The following ELN variants were observed in gnomAD, a reference collection of about 807,000 sequenced individuals.
ELN encodes the protein tropoelastin.
A neutral mutation model predicts 105.8 loss-of-function variants in ELN; 65 were observed. That is an observed-to-expected ratio of 0.61 (90% CI 0.50 to 0.75). ELN has a LOEUF of 0.75. Among genes scored for constraint, ELN ranks in the 30% least tolerant of loss-of-function variants. The pLI is 0.00. For synonymous variants in ELN, 368 were observed against 389.2 expected (o/e 0.95, Z 0.64); for missense variants, 882 against 969.4 (o/e 0.91, Z 1.20).
In ELN at chr7:74,069,345, T is replaced by C. The variant is rs975404753; in HGVS notation, c.*645T>C. Reference sequence around the variant, plus strand: ...CTTGTAGAATCCATCCGCCCATCCGTCCATTCATCCATCGGTCCGTCCATC... The same window carrying C: ...CTTGTAGAATCCATCCGCCCATCCGCCCATTCATCCATCGGTCCGTCCATC... On this transcript the variant is annotated 3_prime_UTR_variant, in exon 33 of 33. Transcript: ENST00000252034. 7 of 236,134 alleles carry C rather than the reference T, an allele frequency of 3.0e-5. No individual in the cohort carries two copies. Among genetic ancestry groups the C allele is most frequent in the East Asian group, 6.0e-5 (1 of 16,630 alleles). 14.6% of individuals were successfully genotyped at this position (236,134 alleles called of 1,614,324 possible).
intron 4 of ELN, 75 bp from the exon 5 acceptor site, chr7:74,041,141 C>T: frequency 6.2e-7 from 1 of 1,604,716 alleles, no homozygotes; most frequent in Non-Finnish European, 8.5e-7. Context: ...CAGCACTGCC[C>T]TAACTCCAGG....
rs1190693240 is a variant in ELN, at chr7:74,029,532, G to T, written c.82+1263G>T. Reference sequence around the variant, plus strand: ...TTGCCATGAGAACCAAACGCTGAGTGGGGGGCGGGAGGGCCACGGGGTGGA... The same window carrying T: ...TTGCCATGAGAACCAAACGCTGAGTTGGGGGCGGGAGGGCCACGGGGTGGA... On this transcript the variant is annotated intron_variant, in intron 1 of 32. Transcript: ENST00000252034. 3.3e-5 allele frequency among the ~76,000 whole-genome samples: 5 copies of T among 152,274 alleles called. 1 individual carries two copies. Among genetic ancestry groups the T allele is most frequent in the Middle Eastern group, 6.8e-3 (2 of 294 alleles).
At position 74,069,059 on chromosome 7, in the gene ELN, G is replaced by A. The variant is rs761538157; in HGVS notation, c.*359G>A. 7.7e-5 allele frequency: 32 copies of A among 416,346 alleles called. No individual in the cohort carries two copies. Among genetic ancestry groups the A allele is most frequent in the African/African-American group, 2.6e-4 (13 of 50,522 alleles). 25.8% of individuals were successfully genotyped at this position (416,346 alleles called of 1,614,324 possible). On this transcript the variant is annotated 3_prime_UTR_variant, in exon 33 of 33. Coordinates refer to ENST00000252034, the MANE Select transcript of ELN (RefSeq NM_000501.4). Reference sequence around the variant, plus strand: ...AGGGAGGAGGGAAGGGTGGCCCCTCGGGGAACCCCCTACCTGGGGCTCCTC... The same window carrying A: ...AGGGAGGAGGGAAGGGTGGCCCCTCAGGGAACCCCCTACCTGGGGCTCCTC...
At chr7:74,046,524 G>A (rs527782633) in intron 11 of ELN, 172 bp from the exon 12 acceptor site, 45 of 778,156 alleles carry the variant, frequency 5.8e-5, no homozygotes, top group Non-Finnish European at 8.5e-5. Flanking sequence ...GAAGTGGCCT[G>A]TCACTGGGAA....
chr7:74,042,808 G>C, intron 6 of ELN, 102 bp downstream of exon 6: 3 of 1,538,726 alleles, frequency 1.9e-6, no homozygotes, highest in Non-Finnish European at 2.7e-6. Context: ...GAGCCGGGTG[G>C]GTGGGATTGT....
In ELN at chr7:74,059,764, G is replaced by A; in HGVS notation, c.1415-122G>A. ...GGAAGCTGAGGCCCAGCAAGGGAAA[G>A]TAACTGATCCAGGGTCACACAGCAA... On this transcript the variant is annotated intron_variant, in intron 22 of 32. Coordinates refer to ENST00000252034, the MANE Select transcript of ELN (RefSeq NM_000501.4). 3 of 775,586 alleles carry A rather than the reference G, an allele frequency of 3.9e-6. No individual in the cohort carries two copies. The South Asian group carries it at 4.0e-5, about 10-fold the overall frequency. 48.0% of individuals were successfully genotyped at this position (775,586 alleles called of 1,614,324 possible). A position where few individuals can be genotyped will look rare whatever the true frequency, so the allele number is the denominator to read the frequency against.
intron 1 of ELN, among the ~76,000 whole-genome samples, chr7:74,030,844 C>T (rs1006267794): frequency 3.9e-5 from 6 of 152,088 alleles, no homozygotes; most frequent in East Asian, 1.9e-4. Context: ...TCCCAGGTGA[C>T]GGTGGGGTCG....
At chr7:74,057,845 C>G (rs1554681335) in intron 22 of ELN, 149 bp downstream of exon 22, 15 of 854,094 alleles carry the variant, frequency 1.8e-5, no homozygotes, top group Non-Finnish European at 2.7e-5. Flanking sequence ...CCTTTTGGCC[C>G]ACTGATGAAT....
intron 17 of ELN, chr7:74,052,310 T>C (rs1362388584): frequency 3.1e-5 from 13 of 423,660 alleles, no homozygotes; most frequent in Middle Eastern, 7.1e-4. Flanking sequence ...TAGGAATAGA[T>C]CACATTCTAG....
In ELN at chr7:74,063,096, G is replaced by A; in HGVS notation, c.1787-57G>A. On this transcript the variant is annotated intron_variant, in intron 26 of 32. Transcript: ENST00000252034. This position sits in a 1 kb window ranked among gnomAD's most constrained non-coding sequence, Gnocchi z 4.1. ...CTGTCTGCTTGCCTTGTGTCCCTGGGGCAGGGAGACCCATCGTTCAGAAAT... is the reference window on the plus strand; with the variant it reads ...CTGTCTGCTTGCCTTGTGTCCCTGGAGCAGGGAGACCCATCGTTCAGAAAT... 2 of 1,558,668 alleles carry A rather than the reference G, an allele frequency of 1.3e-6. No individual in the cohort carries two copies. Among genetic ancestry groups the A allele is most frequent in the Non-Finnish European group, 8.7e-7 (1 of 1,149,572 alleles).
Position 74,035,363 on chromosome 7 carries a change from G to C in ELN, c.83-1G>C, listed in dbSNP as rs1554664853. 1 of 1,613,886 alleles carries C rather than the reference G, an allele frequency of 6.2e-7. No individual in the cohort carries two copies. The highest frequency in any genetic ancestry group is 1.3e-5 in the African/African-American group (1 of 74,872). On this transcript the variant is annotated splice_acceptor_variant, in intron 1 of 32. Coordinates refer to ENST00000252034, the MANE Select transcript of ELN (RefSeq NM_000501.4). LOFTEE classifies it high-confidence loss of function. The stretch of plus-strand genomic sequence containing the variant: ...GACTGACTCTACCTGTTTCCTTTCA[G>C]GGGTCCCTGGGGCCATTCCTGGTGG...
intron 15 of ELN, among the ~76,000 whole-genome samples, chr7:74,050,727 A>G (rs1793855646): frequency 1.3e-5 from 2 of 152,100 alleles, no homozygotes; most frequent in South Asian, 4.1e-4. Flanking sequence ...TCAGGGACAA[A>G]CAAGAGTTCT....
At chr7:74,035,448 A>G in intron 2 of ELN, 34 bp downstream of exon 2, 1 of 1,612,422 alleles carries the variant, frequency 6.2e-7, no homozygotes, top group Non-Finnish European at 8.5e-7. Context: ...CACCCAGGTC[A>G]TGCGGATGAT....
rs568808577 is a variant in ELN, at chr7:74,043,481, G to A, written c.427+313G>A. ...TGTGGAAGGGCCTGCAGCGAGTCCCGGCAGAGCTGGGGGAGCCCCGTGTCC... is the reference window on the plus strand; with the variant it reads ...TGTGGAAGGGCCTGCAGCGAGTCCCAGCAGAGCTGGGGGAGCCCCGTGTCC... On this transcript the variant is annotated intron_variant, in intron 8 of 32. Transcript: ENST00000252034. The A allele has an allele frequency of 5.8e-5, 40 of 688,028 alleles. 1 individual carries two copies. Among genetic ancestry groups the A allele is most frequent in the Admixed American group, 5.1e-4 (25 of 49,372 alleles). The allele number at this position is 688,028 out of a possible 1,614,324, so 42.6% of individuals were successfully genotyped here.
chr7:74,035,399 G>A lies in ELN; in HGVS notation c.118G>A (p.Gly40Arg), dbSNP rs1789672664. The A allele has an allele frequency of 6.2e-7, 1 of 1,614,124 alleles. No homozygotes were observed. Among genetic ancestry groups the A allele is most frequent in the Non-Finnish European group, 8.5e-7 (1 of 1,180,022 alleles). Residue 40 changes from glycine to arginine, a missense_variant, in exon 2 of 33, where the codon GGA becomes AGA. Coordinates refer to ENST00000252034, the MANE Select transcript of ELN (RefSeq NM_000501.4). ...PGAIPGGVPGGVFYPGAGLGA... is the reference protein window; with the variant it reads ...PGAIPGGVPGRVFYPGAGLGA... ...GGCCATTCCTGGTGGAGTTCCTGGA[G>A]GAGTCTTTTATCCAGGTAACGTACA... is the stretch of plus-strand genomic sequence containing the variant.
chr7:74,032,452 T>G lies in ELN; in HGVS notation c.83-2912T>G, dbSNP rs1783057107. On this transcript the variant is annotated intron_variant, in intron 1 of 32. Coordinates refer to ENST00000252034, the MANE Select transcript of ELN (RefSeq NM_000501.4). ...GCCACGGGGCCTGGGGAAGCAGCTG[T>G]TACCTTTTCAAAGTCCTTTCCAATT... is the stretch of plus-strand genomic sequence containing the variant. 2.6e-5 allele frequency among the ~76,000 whole-genome samples: 4 copies of G among 152,154 alleles called. No homozygotes were observed. The South Asian group carries it at 8.3e-4, about 31-fold the overall frequency.
rs41435449 is a variant in ELN, at chr7:74,047,647, C to T, written c.644-28C>T. On this transcript the variant is annotated intron_variant, in intron 12 of 32. Transcript: ENST00000252034. ...GGAGCCCAGCAAGGCATGGGGCAGC[C>T]CCTGAGTTTGCTCTGTCCTCTCTCC... The T allele has an allele frequency of 1.9e-6, 3 of 1,614,092 alleles. No homozygotes were observed. The Admixed American group carries it at 5.0e-5, about 27-fold the overall frequency.
At chr7:74,064,464 A>G (rs895184783) in intron 29 of ELN, among the ~76,000 whole-genome samples, 1 of 150,378 alleles carries the variant, frequency 6.6e-6, no homozygotes, top group Non-Finnish European at 1.5e-5. Flanking sequence ...GTATGTATAT[A>G]AATTAGCTGG....
In ELN at chr7:74,065,929, C is replaced by G; in HGVS notation, c.2033-15C>G. 6.2e-7 allele frequency: 1 copy of G among 1,614,180 alleles called. No individual in the cohort carries two copies. The highest frequency in any genetic ancestry group is 8.5e-7 in the Non-Finnish European group (1 of 1,180,034). On this transcript the variant is annotated splice_polypyrimidine_tract_variant and intron_variant, in intron 30 of 32. Coordinates refer to ENST00000252034, the MANE Select transcript of ELN (RefSeq NM_000501.4). Reference sequence around the variant, plus strand: ...ATGGGGGTGTCTTATCCTGACCCCACCTGCCTCTTCTCAGGTGCTGCTGGC... The same window carrying G: ...ATGGGGGTGTCTTATCCTGACCCCAGCTGCCTCTTCTCAGGTGCTGCTGGC...
Sources: allele counts gnomAD v4.1 joint callset (sites outside exome capture counted in the v4.1 genomes callset), GRCh38; gene constraint gnomAD v4.1.1; non-coding constraint Gnocchi (gnomAD v3.1); transcripts MANE v1.5; gene names NCBI Gene and HGNC (gene_info 2026-07-23, HGNC 2026-07-21).